The following UBE2E2 variants were observed in gnomAD, a reference collection of about 807,000 sequenced individuals.
The protein encoded by UBE2E2 is ubiquitin conjugating enzyme E2 E2.
In UBE2E2, 6 loss-of-function variants were observed where a neutral mutation model predicts 24.7. That is an observed-to-expected ratio of 0.24 (90% CI 0.13 to 0.48). UBE2E2 has a LOEUF of 0.48. Among genes scored for constraint, UBE2E2 ranks in the 20% least tolerant of loss-of-function variants. UBE2E2 has a pLI of 0.99. For synonymous variants in UBE2E2, 104 were observed against 83.6 expected (o/e 1.24, Z -1.33); for missense variants, 169 against 245.0 (o/e 0.69, Z 2.07).
intron 3 of UBE2E2, among the ~76,000 whole-genome samples, chr3:23,255,079 CTTTTTT>C (rs202015038): frequency 1.2e-5 from 1 of 85,952 alleles, no homozygotes; most frequent in Non-Finnish European, 2.1e-5. Flanking sequence ...GAGTAACTTC[CTTTTTT>C]TTTTTTTTTT....
At position 23,330,856 on chromosome 3, in the gene UBE2E2, G is replaced by A. The variant is rs957496385; in HGVS notation, c.227+113544G>A. On this transcript the variant is annotated intron_variant, in intron 3 of 5. Transcript: ENST00000396703. Reference sequence around the variant, plus strand: ...AGTCTTCCTTAATAAAAGTATATAAGAAAGGATTTATTGTTATTAAAAAAG... The same window carrying A: ...AGTCTTCCTTAATAAAAGTATATAAAAAAGGATTTATTGTTATTAAAAAAG... 2.0e-5 allele frequency among the ~76,000 whole-genome samples: 3 copies of A among 152,076 alleles called. No homozygotes were observed. In the East Asian group the frequency reaches 5.8e-4, roughly 29 times the overall value.
chr3:23,540,007 G>T (rs189819573), intron 5 of UBE2E2, among the ~76,000 whole-genome samples: 207 of 152,198 alleles, frequency 1.4e-3, no homozygotes, highest in African/African-American at 4.7e-3. Context: ...CCCTCACCCA[G>T]CTTCAGAACT....
At chr3:23,392,377 A>G (rs949650108) in intron 3 of UBE2E2, among the ~76,000 whole-genome samples, 2 of 152,118 alleles carry the variant, frequency 1.3e-5, no homozygotes, top group African/African-American at 4.8e-5. Context: ...ACTATTCAAG[A>G]GATAGTATTT....
intron 5 of UBE2E2, among the ~76,000 whole-genome samples, chr3:23,557,341 C>T (rs1448637558): frequency 6.6e-6 from 1 of 152,184 alleles, no homozygotes; most frequent in Non-Finnish European, 1.5e-5. Context: ...TTCTATTTTA[C>T]AATCCTTTGT....
At chr3:23,541,647 A>C (rs1046366122) in intron 5 of UBE2E2, among the ~76,000 whole-genome samples, 14 of 152,362 alleles carry the variant, frequency 9.2e-5, no homozygotes, top group African/African-American at 2.9e-4. Flanking sequence ...CTGTTGCCAC[A>C]TGAAGCTTTT....
intron 3 of UBE2E2, among the ~76,000 whole-genome samples, chr3:23,351,442 A>G (rs1292029929): frequency 2.0e-5 from 3 of 152,228 alleles, no homozygotes; most frequent in South Asian, 4.1e-4. Context: ...AGACTGGCAA[A>G]TTGGATAAAG....
intron 4 of UBE2E2, among the ~76,000 whole-genome samples, chr3:23,521,127 A>G (rs1694853895): frequency 6.6e-6 from 1 of 152,216 alleles, no homozygotes; most frequent in South Asian, 2.1e-4. Flanking sequence ...CATAAAATGT[A>G]TTACTCCTTT....
Position 23,407,448 on chromosome 3 carries a change from A to G in UBE2E2, c.228-92160A>G, listed in dbSNP as rs1697386765. Among the ~76,000 whole-genome samples the G allele has an allele frequency of 2.6e-5, 4 of 152,138 alleles. 1 individual carries two copies. In the South Asian group the frequency reaches 8.3e-4, roughly 32 times the overall value. Reference sequence around the variant, plus strand: ...GAGGGTTTTTTCTGAAATATTTTAAACTTTTAATTCTGAAAATGTTCAAAC... The same window carrying G: ...GAGGGTTTTTTCTGAAATATTTTAAGCTTTTAATTCTGAAAATGTTCAAAC... On this transcript the variant is annotated intron_variant, in intron 3 of 5. Transcript: ENST00000396703. The surrounding 1 kb of genome is among the most constrained non-coding windows in gnomAD (Gnocchi z 4.0).
chr3:23,534,453 G>A (rs1197960746), intron 5 of UBE2E2, among the ~76,000 whole-genome samples: 1 of 152,038 alleles, frequency 6.6e-6, no homozygotes, highest in African/African-American at 2.4e-5. Context: ...GCTATTGATA[G>A]TAAGAACAAG....
chr3:23,411,900 A>G (rs751180273), intron 3 of UBE2E2, among the ~76,000 whole-genome samples: 2 of 152,216 alleles, frequency 1.3e-5, no homozygotes, highest in Non-Finnish European at 1.5e-5. Context: ...TTTATTAACC[A>G]TGAGTTATTA....
At chr3:23,518,173 G>A (rs955159321) in intron 4 of UBE2E2, among the ~76,000 whole-genome samples, 11 of 152,126 alleles carry the variant, frequency 7.2e-5, no homozygotes, top group Non-Finnish European at 1.3e-4. Context: ...GGAAGCCGTG[G>A]AATGTGAATG....
chr3:23,296,972 T>G (rs1417422567), intron 3 of UBE2E2, among the ~76,000 whole-genome samples: 1 of 152,204 alleles, frequency 6.6e-6, no homozygotes, highest in African/African-American at 2.4e-5. Flanking sequence ...CAGCACCTGT[T>G]GTTTCCTGAC....
intron 3 of UBE2E2, among the ~76,000 whole-genome samples, chr3:23,299,235 C>T (rs1474295279): frequency 6.6e-6 from 1 of 152,160 alleles, no homozygotes; most frequent in Non-Finnish European, 1.5e-5. Flanking sequence ...AAAAAACCAG[C>T]TCCTGGTTTC....
intron 3 of UBE2E2, among the ~76,000 whole-genome samples, chr3:23,273,524 C>G (rs1214234560): frequency 3.3e-5 from 3 of 91,742 alleles, no homozygotes; most frequent in East Asian, 3.3e-4. Flanking sequence ...GAGCGAGACT[C>G]CGTCTCAAAA....
At chr3:23,360,392 CTG>C (rs2125330634) in intron 3 of UBE2E2, among the ~76,000 whole-genome samples, 1 of 152,244 alleles carries the variant, frequency 6.6e-6, no homozygotes, top group East Asian at 1.9e-4. Context: ...CAGAACAGTA[CTG>C]AATGCTGTGG....
chr3:23,402,897 C>G (rs1040991150), intron 3 of UBE2E2, among the ~76,000 whole-genome samples: 1 of 152,142 alleles, frequency 6.6e-6, no homozygotes, highest in Non-Finnish European at 1.5e-5. Context: ...GTGGTTGAGT[C>G]CCAACCAGAG....
At chr3:23,206,864 T>G (rs1696160924) in intron 1 of UBE2E2, among the ~76,000 whole-genome samples, 1 of 152,190 alleles carries the variant, frequency 6.6e-6, no homozygotes, top group Non-Finnish European at 1.5e-5. Flanking sequence ...TTATTTGAGG[T>G]ATCTTTACCT....
At chr3:23,420,915 G>C (rs1391429920) in intron 3 of UBE2E2, among the ~76,000 whole-genome samples, 1 of 152,146 alleles carries the variant, frequency 6.6e-6, no homozygotes, top group Non-Finnish European at 1.5e-5. Context: ...ATGAAGAACT[G>C]TTTTCAGACA....
chr3:23,283,934 AC>A (rs1367438429), intron 3 of UBE2E2, among the ~76,000 whole-genome samples: 1 of 152,172 alleles, frequency 6.6e-6, no homozygotes, highest in Admixed American at 6.5e-5. Context: ...TTTGAGAACC[AC>A]TGCTTTAGAT....
Sources: allele counts gnomAD v4.1 joint callset (sites outside exome capture counted in the v4.1 genomes callset), GRCh38; gene constraint gnomAD v4.1.1; non-coding constraint Gnocchi (gnomAD v3.1); transcripts MANE v1.5; gene names NCBI Gene and HGNC (gene_info 2026-07-23, HGNC 2026-07-21).